NWD2: variants seen among roughly 807,000 people sequenced by gnomAD.
NWD2 encodes NACHT and WD repeat domain containing 2.
Under a neutral mutation model 132.7 loss-of-function variants are expected in NWD2, and 37 were observed. The observed-to-expected ratio is 0.28, with a 90% confidence interval of 0.21 to 0.37. The LOEUF is 0.37. NWD2 is among the 10% of genes least tolerant of loss of function. The pLI is 1.00. For missense variants in NWD2, 1,592 were observed against 2,122.4 expected (o/e 0.75, Z 4.91); for synonymous variants, 705 against 803.0 (o/e 0.88, Z 2.06).
intron 3 of NWD2, among the ~76,000 whole-genome samples, chr4:37,390,668 G>C (rs1720664908): frequency 6.6e-6 from 1 of 152,146 alleles, no homozygotes; most frequent in Non-Finnish European, 1.5e-5. Flanking sequence ...TCAAAAATTA[G>C]AGCCAGGAAA....
intron 2 of NWD2, among the ~76,000 whole-genome samples, chr4:37,330,725 G>C (rs1719279039): frequency 6.6e-6 from 1 of 152,190 alleles, no homozygotes; most frequent in Non-Finnish European, 1.5e-5. Flanking sequence ...TTGGCATTTA[G>C]TGGGGTTTTA....
At chr4:37,331,808 C>T (rs1719298489) in intron 2 of NWD2, among the ~76,000 whole-genome samples, 1 of 152,176 alleles carries the variant, frequency 6.6e-6, no homozygotes, top group Non-Finnish European at 1.5e-5. Context: ...TCTTGAATTT[C>T]CAGTGCCATC....
chr4:37,369,382 A>C (rs1235766484), intron 3 of NWD2, among the ~76,000 whole-genome samples: 2 of 152,150 alleles, frequency 1.3e-5, no homozygotes, highest in Non-Finnish European at 2.9e-5. Context: ...TAGTGTACTC[A>C]TTAAATAATT....
intron 3 of NWD2, among the ~76,000 whole-genome samples, chr4:37,407,248 C>T (rs2109317686): frequency 6.6e-6 from 1 of 152,226 alleles, no homozygotes; most frequent in East Asian, 1.9e-4. Context: ...CTGAACATAA[C>T]TAAGGCTCTA....
intron 1 of NWD2, among the ~76,000 whole-genome samples, chr4:37,304,819 G>T (rs1718676041): frequency 6.6e-6 from 1 of 152,214 alleles, no homozygotes; most frequent in South Asian, 2.1e-4. Context: ...CCCAGTATAA[G>T]CTGTTGGTGG....
chr4:37,288,799 T>A (rs750460652), intron 1 of NWD2, among the ~76,000 whole-genome samples: 4 of 152,156 alleles, frequency 2.6e-5, no homozygotes, highest in Non-Finnish European at 5.9e-5. Context: ...TTGGGGGTAG[T>A]TCATTGTTTT....
chr4:37,265,497 G>T (rs930900366), intron 1 of NWD2, among the ~76,000 whole-genome samples: 3 of 152,070 alleles, frequency 2.0e-5, no homozygotes, highest in African/African-American at 7.2e-5. Flanking sequence ...TCAAAGTATT[G>T]ACAAGTCTGC....
At chr4:37,440,066 G>A (rs972222520) in intron 6 of NWD2, among the ~76,000 whole-genome samples, 3 of 152,070 alleles carry the variant, frequency 2.0e-5, no homozygotes, top group Non-Finnish European at 4.4e-5. Flanking sequence ...TCTCTTTGGA[G>A]GCCTTTTCAT....
In NWD2 at chr4:37,301,113, C is replaced by T. The variant is rs557088421; in HGVS notation, c.152-24823C>T. On this transcript the variant is annotated intron_variant, in intron 1 of 6. Transcript: ENST00000309447. ...TAATTTTGTTGGTTATTCCAGACAG[C>T]GGATTTTTCTCTCAGCATTATGAAG... 5.9e-5 allele frequency among the ~76,000 whole-genome samples: 9 copies of T among 152,124 alleles called. No individual in the cohort carries two copies. The East Asian group carries it at 9.6e-4, about 16-fold the overall frequency.
At chr4:37,292,683 C>G (rs533946228) in intron 1 of NWD2, among the ~76,000 whole-genome samples, 1 of 152,272 alleles carries the variant, frequency 6.6e-6, no homozygotes, top group Non-Finnish European at 1.5e-5. Context: ...TTGGTCCCCA[C>G]TGGTTTCATG....
chr4:37,430,505 G>A, intron 3 of NWD2, 67 bp from the exon 4 acceptor site: 1 of 1,068,292 alleles, frequency 9.4e-7, no homozygotes, highest in Non-Finnish European at 1.4e-6. Flanking sequence ...CAGTGACCAT[G>A]TGATGTGAAT....
intron 4 of NWD2, among the ~76,000 whole-genome samples, chr4:37,433,471 C>G (rs1412483728): frequency 1.4e-5 from 2 of 147,576 alleles, no homozygotes; most frequent in Non-Finnish European, 2.9e-5. Context: ...ATTTTATCTC[C>G]CAGTGGACCA....
chr4:37,406,204 G>T (rs1275047197), intron 3 of NWD2, among the ~76,000 whole-genome samples: 2 of 152,158 alleles, frequency 1.3e-5, no homozygotes, highest in Non-Finnish European at 2.9e-5. Context: ...AGTGATATTA[G>T]AAAATCATTG....
chr4:37,376,031 T>C (rs1028171983), intron 3 of NWD2, among the ~76,000 whole-genome samples: 6 of 152,320 alleles, frequency 3.9e-5, no homozygotes, highest in African/African-American at 1.4e-4. Flanking sequence ...ATTTAAACAT[T>C]CCCTTTTTTT....
chr4:37,425,106 G>T (rs1262895791), intron 3 of NWD2, among the ~76,000 whole-genome samples: 1 of 152,154 alleles, frequency 6.6e-6, no homozygotes, highest in African/African-American at 2.4e-5. Context: ...TTACATTTAA[G>T]TTCCTAGTTC....
At chr4:37,313,848 G>A (rs1276092350) in intron 1 of NWD2, among the ~76,000 whole-genome samples, 1 of 150,774 alleles carries the variant, frequency 6.6e-6, no homozygotes, top group African/African-American at 2.5e-5. Context: ...ACAGGCACCT[G>A]CCCACACGCC....
chr4:37,281,555 T>G (rs537066415), intron 1 of NWD2, among the ~76,000 whole-genome samples: 1 of 152,192 alleles, frequency 6.6e-6, no homozygotes, highest in African/African-American at 2.4e-5. Context: ...TCTCTCCGCT[T>G]AAGTACTATA....
chr4:37,267,838 A>T (rs1717788670), intron 1 of NWD2, among the ~76,000 whole-genome samples: 1 of 151,918 alleles, frequency 6.6e-6, no homozygotes, highest in African/African-American at 2.4e-5. Flanking sequence ...TTGAGGGGGA[A>T]AAAACACAGA....
chr4:37,335,298 GGC>G (rs1485690710), intron 2 of NWD2, among the ~76,000 whole-genome samples: 12 of 46,090 alleles, frequency 2.6e-4, no homozygotes, highest in African/African-American at 4.4e-4. Flanking sequence ...CTGGGGGGTG[GGC>G]GGGGGGGGGG....
Sources: gnomAD v4.1 joint callset for allele counts (sites outside exome capture counted in the v4.1 genomes callset) on GRCh38, gnomAD v4.1.1 for gene constraint, MANE v1.5 for transcripts, NCBI Gene and HGNC (gene_info 2026-07-23, HGNC 2026-07-21) for gene names.